BRINP1: variants seen among roughly 807,000 people sequenced by gnomAD.
BRINP1 encodes BMP/retinoic acid-inducible neural-specific protein 1.
In BRINP1, 17 loss-of-function variants were observed where a neutral mutation model predicts 72.9. The ratio of observed to expected loss-of-function variants is 0.23; its 90% confidence interval spans 0.16 to 0.35. The LOEUF (loss-of-function observed/expected upper bound fraction) is 0.35, where lower values mean the gene tolerates loss of function less well. Ranked by LOEUF, BRINP1 falls within the 10% of genes least tolerant of loss-of-function variation. The probability of loss-of-function intolerance (pLI) is 1.00; values close to 1 mark genes in which losing one functional copy is unlikely to be tolerated. For missense variants in BRINP1, 850 were observed against 1,001.6 expected, an observed-to-expected ratio of 0.85 and a Z score of 2.04; for synonymous variants, 418 against 378.5, an observed-to-expected ratio of 1.10 and a Z score of -1.21.
At chr9:119,210,264 A>G (rs142381467) in intron 6 of BRINP1, among the ~76,000 whole-genome samples, 2,420 of 152,336 alleles carry the variant, frequency 0.016, 39 homozygotes, top group Non-Finnish European at 0.023. Context: ...AAAAAGGCCA[A>G]TGGTTGGATT....
intron 2 of BRINP1, among the ~76,000 whole-genome samples, chr9:119,263,810 G>C (rs1424989177): frequency 1.3e-5 from 2 of 151,666 alleles, no homozygotes; most frequent in African/African-American, 4.8e-5. Context: ...GGGTTTCACC[G>C]TGTTAGCCAG....
intron 1 of BRINP1, among the ~76,000 whole-genome samples, chr9:119,330,056 C>A (rs573416790): frequency 6.6e-6 from 1 of 152,300 alleles, no homozygotes; most frequent in South Asian, 2.1e-4. Context: ...TTATTTCCCA[C>A]ACAGAAGCAC....
chr9:119,332,283 CTAA>C (rs780856430), intron 1 of BRINP1, among the ~76,000 whole-genome samples: 1 of 152,096 alleles, frequency 6.6e-6, no homozygotes, highest in Non-Finnish European at 1.5e-5. Flanking sequence ...TAATAATTTA[CTAA>C]TGACAAAAAA....
chr9:119,316,384 G>A (rs62567740), intron 1 of BRINP1, among the ~76,000 whole-genome samples: 2 of 152,102 alleles, frequency 1.3e-5, no homozygotes, highest in Non-Finnish European at 2.9e-5. Flanking sequence ...CACCGTGCCC[G>A]GCCAACAACC....
rs1451504372 is a variant in BRINP1, at chr9:119,356,569, G to A, written c.-51+12487C>T. On this transcript the variant is annotated intron_variant, in intron 1 of 7. Transcript: ENST00000265922. Reference sequence around the variant, plus strand: ...TGTAATCCTAGCACTTTGGGAGGCCGAGATGGGTGGATCACCTGAGGTCAG... The same window carrying A: ...TGTAATCCTAGCACTTTGGGAGGCCAAGATGGGTGGATCACCTGAGGTCAG... Among the ~76,000 whole-genome samples, 8 of 152,072 alleles carry A rather than the reference G, an allele frequency of 5.3e-5. No homozygotes were observed. The East Asian group carries it at 7.7e-4, about 15-fold the overall frequency.
At position 119,313,356 on chromosome 9, in the gene BRINP1, G is replaced by A; in HGVS notation, c.-1C>T. On this transcript the variant is annotated 5_prime_UTR_variant, in exon 2 of 8. Coordinates refer to ENST00000265922, the MANE Select transcript of BRINP1 (RefSeq NM_014618.3). ...GGAGCTCAACAAACCTCCAGTTCAT[G>A]CTTTTCTGCCGGCCTTTTTCCTCTC... is the stretch of plus-strand genomic sequence containing the variant. The A allele has an allele frequency of 6.2e-7, 1 of 1,613,466 alleles. No homozygotes were observed. The highest frequency in any genetic ancestry group is 8.5e-7 in the Non-Finnish European group (1 of 1,179,954).
chr9:119,339,998 C>T (rs928009996), intron 1 of BRINP1, among the ~76,000 whole-genome samples: 2 of 152,128 alleles, frequency 1.3e-5, no homozygotes, highest in African/African-American at 2.4e-5. Context: ...CTGCCCCTCC[C>T]CAAGCTCCCC....
intron 7 of BRINP1, among the ~76,000 whole-genome samples, chr9:119,173,438 C>A (rs1352361005): frequency 1.3e-5 from 2 of 151,040 alleles, no homozygotes; most frequent in Non-Finnish European, 2.9e-5. Flanking sequence ...ATGTGAAGGA[C>A]CTCTTCAAGG....
chr9:119,211,102 C>T (rs1173154558), intron 6 of BRINP1, among the ~76,000 whole-genome samples: 1 of 152,060 alleles, frequency 6.6e-6, no homozygotes, highest in Non-Finnish European at 1.5e-5. Context: ...GGAAAGCAGG[C>T]CTTCAATGAA....
chr9:119,346,905 C>A (rs148901761), intron 1 of BRINP1, among the ~76,000 whole-genome samples: 1 of 152,226 alleles, frequency 6.6e-6, no homozygotes, highest in East Asian at 1.9e-4. Context: ...GCTTCCATGA[C>A]ATTAATCGGA....
At chr9:119,190,312 A>T (rs1213763596) in intron 7 of BRINP1, among the ~76,000 whole-genome samples, 3 of 151,810 alleles carry the variant, frequency 2.0e-5, no homozygotes, top group Non-Finnish European at 4.4e-5. Context: ...GAACAGAAAT[A>T]AATCAAATAC....
chr9:119,213,631 C>T (rs994193805), intron 6 of BRINP1: 1 of 570,878 alleles, frequency 1.8e-6, no homozygotes, highest in African/African-American at 1.9e-5. Context: ...ACTCTTCCCT[C>T]TCCAGAGGCT....
At chr9:119,356,987 T>C (rs1249922090) in intron 1 of BRINP1, among the ~76,000 whole-genome samples, 1 of 152,236 alleles carries the variant, frequency 6.6e-6, no homozygotes, top group Non-Finnish European at 1.5e-5. Flanking sequence ...CATTGCTATT[T>C]TCATTTATTT....
chr9:119,313,232 T>C lies in BRINP1; in HGVS notation c.124A>G (p.Ile42Val), dbSNP rs1319436514. 1 of 1,614,174 alleles carries C rather than the reference T, an allele frequency of 6.2e-7. No homozygotes were observed. The highest frequency in any genetic ancestry group is 8.5e-7 in the Non-Finnish European group (1 of 1,180,040). ...QHVSKEFDWLISDRGPFHHSR... is the reference protein window; with the variant it reads ...QHVSKEFDWLVSDRGPFHHSR... ...TGGTGGAAAGGCCCCCTGTCTGAAA[T>C]GAGCCAATCAAATTCCTTGGAGACA... is the stretch of plus-strand genomic sequence containing the variant. The change falls in exon 2 of 8, where the codon ATT becomes GTT. Residue 42 changes from isoleucine (I) to valine (V), a missense_variant. Transcript: ENST00000265922.
At position 119,169,814 on chromosome 9, in the gene BRINP1, TCCCTGAC is replaced by T. The variant is rs530802343; in HGVS notation, c.1146-1597_1146-1591del. Among the ~76,000 whole-genome samples the T allele has an allele frequency of 1.3e-3, 192 of 152,242 alleles. 2 individuals carry two copies. The highest frequency in any genetic ancestry group is 4.4e-3 in the Admixed American group (68 of 15,300). On this transcript the variant is annotated intron_variant, in intron 7 of 7. Coordinates refer to ENST00000265922, the MANE Select transcript of BRINP1 (RefSeq NM_014618.3). ...CGGGCAGACTGCCTCCTCAAGTGGG[TCCCTGAC>T]CCCTGACCCCTGAGCAGCCTAACTG...
intron 7 of BRINP1, among the ~76,000 whole-genome samples, chr9:119,196,985 G>T (rs181535893): frequency 1.3e-5 from 2 of 152,330 alleles, no homozygotes; most frequent in Admixed American, 1.3e-4. Context: ...GTGCAGCAAA[G>T]GCTATGTCGT....
Position 119,350,373 on chromosome 9 carries a change from C to T in BRINP1, c.-51+18683G>A, listed in dbSNP as rs574759582. ...TTGAGGGTTAATAACTTATGGTATA[C>T]AATTACTGGAAAACACACAGCCACG... On this transcript the variant is annotated intron_variant, in intron 1 of 7. Coordinates refer to ENST00000265922, the MANE Select transcript of BRINP1 (RefSeq NM_014618.3). 2.0e-5 allele frequency among the ~76,000 whole-genome samples: 3 copies of T among 152,216 alleles called. No homozygotes were observed. The South Asian group carries it at 6.2e-4, about 32-fold the overall frequency.
intron 2 of BRINP1, among the ~76,000 whole-genome samples, chr9:119,279,951 T>A (rs191276334): frequency 6.6e-6 from 1 of 152,248 alleles, no homozygotes; most frequent in East Asian, 1.9e-4. Context: ...CTCCTGGGAA[T>A]CTATCCTAAG....
chr9:119,193,580 G>A (rs749562641), intron 7 of BRINP1, among the ~76,000 whole-genome samples: 2 of 152,166 alleles, frequency 1.3e-5, no homozygotes, highest in Admixed American at 6.5e-5. Flanking sequence ...GTAACTAGGT[G>A]AGATGATAGC....
Sources: allele counts gnomAD v4.1 joint callset (sites outside exome capture counted in the v4.1 genomes callset), GRCh38; gene constraint gnomAD v4.1.1; transcripts MANE v1.5; gene names NCBI Gene and HGNC (gene_info 2026-07-23, HGNC 2026-07-21).